The following SLCO6A1 variants were observed in gnomAD, a reference collection of about 807,000 sequenced individuals.
SLCO6A1 encodes the protein solute carrier organic anion transporter family member 6A1, also known as cancer/testis antigen 48.
Under a neutral mutation model 72.7 loss-of-function variants are expected in SLCO6A1, and 65 were observed. That is an observed-to-expected ratio of 0.89 (90% CI 0.73 to 1.10). The LOEUF is 1.10. Ranked by LOEUF, SLCO6A1 falls within the 50% of genes least tolerant of loss-of-function variation. SLCO6A1 has a pLI of 0.00. For synonymous variants in SLCO6A1, 314 were observed against 298.2 expected, an observed-to-expected ratio of 1.05 and a Z score of -0.55; for missense variants, 874 against 872.6, an observed-to-expected ratio of 1.00 and a Z score of -0.02.
At chr5:102,384,316 T>A (rs919288033) in intron 12 of SLCO6A1, among the ~76,000 whole-genome samples, 15 of 151,950 alleles carry the variant, frequency 9.9e-5, no homozygotes, top group African/African-American at 3.6e-4. Context: ...TTTAACCTAT[T>A]TACATTTAAA....
chr5:102,415,945 T>C (rs2112599445), intron 8 of SLCO6A1, among the ~76,000 whole-genome samples: 1 of 152,218 alleles, frequency 6.6e-6, no homozygotes, highest in Non-Finnish European at 1.5e-5. Context: ...AGCCAACAGG[T>C]GTATGACAAA....
rs74775249 is a variant in SLCO6A1 at position 102,409,240 on chromosome 5, G to A, written c.1626+3750C>T. Reference sequence around the variant, plus strand: ...ACTTTTCTAGAGAAACCTAAAAATCGTTAGAGGTATAGTATTTCCTACTAC... The same window carrying A: ...ACTTTTCTAGAGAAACCTAAAAATCATTAGAGGTATAGTATTTCCTACTAC... On this transcript the variant is annotated intron_variant, in intron 9 of 13. Coordinates refer to ENST00000506729, the MANE Select transcript of SLCO6A1 (RefSeq NM_173488.5). Among the ~76,000 whole-genome samples, 1,331 of 152,122 alleles carry A rather than the reference G, an allele frequency of 8.7e-3. 13 individuals are homozygous for A. Among genetic ancestry groups the A allele is most frequent in the Non-Finnish European group, 0.015 (1,019 of 67,974 alleles).
At chr5:102,380,669 G>T (rs909076203) in intron 12 of SLCO6A1, among the ~76,000 whole-genome samples, 2 of 151,988 alleles carry the variant, frequency 1.3e-5, no homozygotes, top group African/African-American at 4.8e-5. Context: ...ATTCAATAAA[G>T]TAGCCACTAG....
At chr5:102,424,980 A>C (rs763611722) in intron 7 of SLCO6A1, among the ~76,000 whole-genome samples, 2 of 152,186 alleles carry the variant, frequency 1.3e-5, no homozygotes, top group Non-Finnish European at 2.9e-5. Flanking sequence ...CAAATCAATA[A>C]ACATAATCCA....
chr5:102,440,080 A>T (rs1749749583), intron 6 of SLCO6A1, among the ~76,000 whole-genome samples: 1 of 152,188 alleles, frequency 6.6e-6, no homozygotes, highest in South Asian at 2.1e-4. Context: ...CTTGGGACTC[A>T]GTCACCATGT....
At chr5:102,420,085 C>T (rs2112613544) in intron 7 of SLCO6A1, 64 bp from the exon 8 acceptor site, 2 of 1,280,768 alleles carry the variant, frequency 1.6e-6, no homozygotes, top group Non-Finnish European at 1.1e-6. Flanking sequence ...ATAATACATA[C>T]ATTGATACAA....
chr5:102,475,890 T>C, intron 3 of SLCO6A1, 97 bp from the exon 4 acceptor site: 2 of 843,604 alleles, frequency 2.4e-6, no homozygotes, highest in Non-Finnish European at 3.7e-6. Context: ...TGAAAGCTTT[T>C]CATAGCATTC....
chr5:102,447,044 G>A (rs1467809869), intron 6 of SLCO6A1, among the ~76,000 whole-genome samples: 1 of 152,204 alleles, frequency 6.6e-6, no homozygotes, highest in African/African-American at 2.4e-5. Context: ...GAACCACCAC[G>A]CCCGGCCCTG....
At chr5:102,430,628 T>C (rs1749163735) in intron 7 of SLCO6A1, among the ~76,000 whole-genome samples, 1 of 152,222 alleles carries the variant, frequency 6.6e-6, no homozygotes, top group Non-Finnish European at 1.5e-5. Flanking sequence ...TTAACCAATC[T>C]TGCATTACAG....
chr5:102,481,648 T>G (rs1446157706), intron 1 of SLCO6A1, among the ~76,000 whole-genome samples: 1 of 152,166 alleles, frequency 6.6e-6, no homozygotes, highest in African/African-American at 2.4e-5. Flanking sequence ...ATTTTCACCC[T>G]TCCTCTCATA....
chr5:102,434,957 A>C (rs765957902), intron 7 of SLCO6A1, among the ~76,000 whole-genome samples: 1 of 152,222 alleles, frequency 6.6e-6, no homozygotes, highest in African/African-American at 2.4e-5. Flanking sequence ...TCAGAATTTT[A>C]GTTCATTTTC....
chr5:102,484,630 G>A (rs751413826), intron 1 of SLCO6A1, among the ~76,000 whole-genome samples: 4 of 151,758 alleles, frequency 2.6e-5, no homozygotes, highest in East Asian at 1.9e-4. Flanking sequence ...CAGCCTGGGC[G>A]ACAGAGGGAG....
chr5:102,428,576 T>G (rs1248443042), intron 7 of SLCO6A1, among the ~76,000 whole-genome samples: 1 of 152,132 alleles, frequency 6.6e-6, no homozygotes, highest in Non-Finnish European at 1.5e-5. Context: ...CAAGGGTTTG[T>G]TATACAGATT....
chr5:102,467,785 G>C (rs1427555804), intron 4 of SLCO6A1, among the ~76,000 whole-genome samples: 1 of 152,064 alleles, frequency 6.6e-6, no homozygotes, highest in Non-Finnish European at 1.5e-5. Context: ...CAAAGAACCA[G>C]TGTTGTGTTT....
At chr5:102,456,721 A>T (rs1750739123) in intron 6 of SLCO6A1, among the ~76,000 whole-genome samples, 1 of 152,188 alleles carries the variant, frequency 6.6e-6, no homozygotes, top group Non-Finnish European at 1.5e-5. Context: ...CAAGCTACCA[A>T]TGACTTTCTT....
At chr5:102,424,855 T>C (rs116533475) in intron 7 of SLCO6A1, among the ~76,000 whole-genome samples, 295 of 152,070 alleles carry the variant, frequency 1.9e-3, no homozygotes, top group African/African-American at 6.8e-3. Flanking sequence ...ATGAACAGTG[T>C]TGGGAAAATC....
chr5:102,425,081 A>G (rs531198452), intron 7 of SLCO6A1, among the ~76,000 whole-genome samples: 1 of 152,310 alleles, frequency 6.6e-6, no homozygotes, highest in Non-Finnish European at 1.5e-5. Context: ...CCTTCATGCT[A>G]AAAACACTCA....
chr5:102,442,500 A>G (rs1011280821), intron 6 of SLCO6A1, among the ~76,000 whole-genome samples: 1 of 152,182 alleles, frequency 6.6e-6, no homozygotes, highest in African/African-American at 2.4e-5. Context: ...ATAAACATTA[A>G]TTTCTTAATT....
chr5:102,490,805 G>A (rs932292329), intron 1 of SLCO6A1, among the ~76,000 whole-genome samples: 12 of 152,022 alleles, frequency 7.9e-5, no homozygotes, highest in Admixed American at 5.2e-4. Flanking sequence ...GCAGACCTTC[G>A]CGGTGAGTGT....
Sources: allele counts gnomAD v4.1 joint callset (sites outside exome capture counted in the v4.1 genomes callset), GRCh38; gene constraint gnomAD v4.1.1; transcripts MANE v1.5; gene names NCBI Gene and HGNC (gene_info 2026-07-23, HGNC 2026-07-21).